Variants in SLC25A21 observed in about 807,000 individuals in gnomAD.
SLC25A21 encodes the protein mitochondrial 2-oxodicarboxylate carrier.
SLC25A21 carries 47 observed loss-of-function variants against 43.8 expected under a neutral mutation model. The observed-to-expected ratio is 1.07, with a 90% CI of 0.85 to 1.37. The LOEUF is 1.37. Ranked by LOEUF, SLC25A21 falls within the 40% of genes most tolerant of loss-of-function variation. The probability of loss-of-function intolerance (pLI) is 0.00; values close to 1 mark genes in which losing one functional copy is unlikely to be tolerated. For missense variants in SLC25A21, 352 were observed against 350.2 expected, an observed-to-expected ratio of 1.00 and a Z score of -0.04; for synonymous variants, 131 against 121.3, an observed-to-expected ratio of 1.08 and a Z score of -0.52.
chr14:37,164,816 C>T (rs1964004726), intron 1 of SLC25A21, among the ~76,000 whole-genome samples: 1 of 152,144 alleles, frequency 6.6e-6, no homozygotes, highest in African/African-American at 2.4e-5. Context: ...TTTGCATATA[C>T]TCTCAGATAA....
At chr14:36,876,080 GC>G (rs1205720907) in intron 1 of SLC25A21, among the ~76,000 whole-genome samples, 55 of 152,022 alleles carry the variant, frequency 3.6e-4, no homozygotes, top group Non-Finnish European at 2.9e-5. Flanking sequence ...CAACTGATTC[GC>G]CCAAAGGCCA....
chr14:37,154,933 C>T (rs139505744), intron 1 of SLC25A21, among the ~76,000 whole-genome samples: 22 of 152,142 alleles, frequency 1.4e-4, no homozygotes, highest in African/African-American at 5.3e-4. Context: ...TGAGGCACCA[C>T]GCCCGGCCGA....
At chr14:36,847,281 A>G (rs937374693) in intron 2 of SLC25A21, among the ~76,000 whole-genome samples, 3 of 152,218 alleles carry the variant, frequency 2.0e-5, no homozygotes, top group Non-Finnish European at 4.4e-5. Flanking sequence ...TATTTTTTTC[A>G]GGTGAATTAG....
chr14:37,169,580 A>AACACACACAC (rs1321339179), intron 1 of SLC25A21, among the ~76,000 whole-genome samples: 50,601 of 145,012 alleles, frequency 0.35, 9,930 homozygotes, highest in Non-Finnish European at 0.45. Flanking sequence ...AAAAGGTCAT[A>AACACACACAC]ACACACACAC....
intron 1 of SLC25A21, among the ~76,000 whole-genome samples, chr14:36,961,136 G>C (rs911315010): frequency 2.6e-5 from 4 of 152,136 alleles, no homozygotes; most frequent in Admixed American, 1.3e-4. Context: ...CCCACCCCCA[G>C]AGCATCTGAT....
At chr14:37,168,168 G>A (rs1268615086) in intron 1 of SLC25A21, among the ~76,000 whole-genome samples, 1 of 152,028 alleles carries the variant, frequency 6.6e-6, no homozygotes, top group Non-Finnish European at 1.5e-5. Flanking sequence ...CCAAGGGTCT[G>A]ATCCAGTAAC....
At chr14:37,143,075 T>C (rs1309617945) in intron 1 of SLC25A21, among the ~76,000 whole-genome samples, 1 of 152,168 alleles carries the variant, frequency 6.6e-6, no homozygotes, top group African/African-American at 2.4e-5. Context: ...TCAGTATTAG[T>C]CAGCTGAGAA....
chr14:36,996,418 G>T (rs1319963481), intron 1 of SLC25A21, among the ~76,000 whole-genome samples: 4 of 152,118 alleles, frequency 2.6e-5, no homozygotes, highest in Non-Finnish European at 5.9e-5. Context: ...CAGACGACCA[G>T]GTTTCAAAGC....
At chr14:36,739,333 G>A (rs546138877) in intron 3 of SLC25A21, among the ~76,000 whole-genome samples, 2 of 152,290 alleles carry the variant, frequency 1.3e-5, no homozygotes, top group African/African-American at 4.8e-5. Flanking sequence ...AGGAAAAAAT[G>A]AGCCCTAGGA....
chr14:36,725,601 C>T lies in SLC25A21; in HGVS notation c.407G>A (p.Gly136Asp), dbSNP rs1884569119. ...AAATGTGTTCCGATTTGCTTGCAAG[C>T]CAACTTTTACTACCTCAAAAGGGTT... ...VVNPFEVVKV[G>D]LQANRNTFAE... The change falls in exon 6 of 10, where the codon GGC becomes GAC. Residue 136 changes from glycine (G) to aspartate (D), a missense_variant. By Grantham distance (94) the Gly-to-Asp change is moderately conservative (BLOSUM62 -1). Transcript: ENST00000331299. 2 of 1,591,746 alleles carry T rather than the reference C, an allele frequency of 1.3e-6. No individual in the cohort carries two copies. The highest frequency in any genetic ancestry group is 1.1e-5 in the South Asian group (1 of 87,078).
intron 6 of SLC25A21, among the ~76,000 whole-genome samples, chr14:36,719,430 G>C (rs1444693975): frequency 1.3e-5 from 2 of 152,128 alleles, no homozygotes; most frequent in South Asian, 4.1e-4. Context: ...TTTGAAGGAT[G>C]GGGGGAAATT....
intron 1 of SLC25A21, among the ~76,000 whole-genome samples, chr14:36,928,168 C>T (rs1005127728): frequency 6.6e-6 from 1 of 152,132 alleles, no homozygotes; most frequent in Non-Finnish European, 1.5e-5. Context: ...CTCATTATAA[C>T]ATCAAGTTGA....
chr14:37,077,988 G>A (rs146399626), intron 1 of SLC25A21, among the ~76,000 whole-genome samples: 3 of 151,874 alleles, frequency 2.0e-5, no homozygotes, highest in African/African-American at 7.2e-5. Flanking sequence ...TATGCTCAGT[G>A]AGAGTTACAT....
intron 1 of SLC25A21, among the ~76,000 whole-genome samples, chr14:37,039,497 T>C (rs1961398874): frequency 6.6e-6 from 1 of 152,232 alleles, no homozygotes; most frequent in African/African-American, 2.4e-5. Flanking sequence ...CCCTAAACTT[T>C]ACATAAGTGG....
intron 1 of SLC25A21, among the ~76,000 whole-genome samples, chr14:37,155,058 A>T (rs1395534750): frequency 6.6e-6 from 1 of 151,856 alleles, no homozygotes; most frequent in Non-Finnish European, 1.5e-5. Flanking sequence ...AGAAAATCTC[A>T]GAACTAAAAG....
chr14:36,847,910 G>A (rs1277628071), intron 2 of SLC25A21, among the ~76,000 whole-genome samples: 2 of 141,082 alleles, frequency 1.4e-5, no homozygotes. Flanking sequence ...CTCTGGAAGC[G>A]GTATGAAGGC....
chr14:36,751,491 A>G (rs987035319), intron 3 of SLC25A21, among the ~76,000 whole-genome samples: 2 of 152,186 alleles, frequency 1.3e-5, no homozygotes, highest in South Asian at 2.1e-4. Context: ...TTCTAAATTG[A>G]TTACTAACTT....
At chr14:37,133,412 T>C (rs1963424778) in intron 1 of SLC25A21, among the ~76,000 whole-genome samples, 1 of 151,918 alleles carries the variant, frequency 6.6e-6, no homozygotes, top group African/African-American at 2.4e-5. Flanking sequence ...CCAAATCGAA[T>C]CTACCACCAA....
At chr14:36,740,757 G>C (rs1228657121) in intron 3 of SLC25A21, among the ~76,000 whole-genome samples, 1 of 151,940 alleles carries the variant, frequency 6.6e-6, no homozygotes, top group Admixed American at 6.6e-5. Context: ...TCCAGCTTGT[G>C]TCCAGTCTCT....
Sources: allele counts gnomAD v4.1 joint callset (sites outside exome capture counted in the v4.1 genomes callset), GRCh38; gene constraint gnomAD v4.1.1; transcripts MANE v1.5; gene names NCBI Gene and HGNC (gene_info 2026-07-23, HGNC 2026-07-21).